Variants in CDH11 observed in about 807,000 individuals in gnomAD.
CDH11 encodes the protein cadherin-11.
CDH11 carries 11 observed loss-of-function variants against 67.8 expected under a neutral mutation model. That is an observed-to-expected ratio of 0.16 (90% confidence interval 0.10 to 0.27). CDH11 has a LOEUF of 0.27. CDH11 is among the 10% of genes least tolerant of loss of function. The pLI is 1.00. For synonymous variants in CDH11, 419 were observed against 400.0 expected (o/e 1.05, Z -0.57); for missense variants, 847 against 1,031.2 (o/e 0.82, Z 2.45).
intron 1 of CDH11, among the ~76,000 whole-genome samples, chr16:65,054,468 C>T (rs775331824): frequency 6.6e-6 from 1 of 152,136 alleles, no homozygotes; most frequent in East Asian, 1.9e-4. Flanking sequence ...GACAGTGTTG[C>T]AGCTCTTCAA....
intron 1 of CDH11, among the ~76,000 whole-genome samples, chr16:65,091,753 G>A (rs981887013): frequency 6.6e-6 from 1 of 151,886 alleles, no homozygotes; most frequent in African/African-American, 2.4e-5. Context: ...GCGTTTCACC[G>A]TGTTAACCAG....
intron 1 of CDH11, among the ~76,000 whole-genome samples, chr16:65,057,754 T>A (rs6498971): frequency 6.6e-6 from 1 of 152,120 alleles, no homozygotes; most frequent in African/African-American, 2.4e-5. Flanking sequence ...TTTTACAGAT[T>A]GAGAAACTGA....
At chr16:65,030,800 T>C (rs1274990258) in intron 2 of CDH11, among the ~76,000 whole-genome samples, 1 of 152,170 alleles carries the variant, frequency 6.6e-6, no homozygotes, top group Non-Finnish European at 1.5e-5. Flanking sequence ...TGAGCTCAGA[T>C]GATCTGCCTG....
chr16:64,964,953 T>C (rs1448718338), intron 11 of CDH11, among the ~76,000 whole-genome samples: 1 of 152,148 alleles, frequency 6.6e-6, no homozygotes, highest in African/African-American at 2.4e-5. Context: ...ACGTGCAGGT[T>C]TGTTACATAT....
chr16:64,958,820 A>C (rs1429076261), intron 11 of CDH11, among the ~76,000 whole-genome samples: 1 of 152,188 alleles, frequency 6.6e-6, no homozygotes, highest in Non-Finnish European at 1.5e-5. Flanking sequence ...ATAAAAGAAC[A>C]GTTCTTAGAA....
intron 2 of CDH11, 77 bp downstream of exon 2, chr16:65,053,727 A>G (rs2074096697): frequency 9.1e-6 from 4 of 440,384 alleles, no homozygotes; most frequent in Admixed American, 2.4e-5. Context: ...CATTTGAGAC[A>G]CAGACCCAGT....
chr16:65,065,962 T>C (rs1022234545), intron 1 of CDH11, among the ~76,000 whole-genome samples: 18 of 152,172 alleles, frequency 1.2e-4, no homozygotes, highest in African/African-American at 4.1e-4. Flanking sequence ...ATGGAGAGGG[T>C]GAGTTACTGA....
chr16:65,033,288 A>C (rs1166543443), intron 2 of CDH11, among the ~76,000 whole-genome samples: 1 of 151,488 alleles, frequency 6.6e-6, no homozygotes, highest in East Asian at 1.9e-4. Flanking sequence ...ATTTTGAGAA[A>C]TCACAAGCCA....
intron 2 of CDH11, among the ~76,000 whole-genome samples, chr16:65,012,590 A>T (rs1222409401): frequency 6.6e-6 from 1 of 152,192 alleles, no homozygotes; most frequent in African/African-American, 2.4e-5. Flanking sequence ...GAGTCATTTA[A>T]ATAGCAGAAC....
chr16:65,108,180 C>T (rs981064261), intron 1 of CDH11, among the ~76,000 whole-genome samples: 7 of 152,128 alleles, frequency 4.6e-5, no homozygotes, highest in African/African-American at 1.7e-4. Context: ...GCAGCTACAA[C>T]GATGCCTCAG....
At chr16:64,999,863 T>C (rs7197888) in intron 3 of CDH11, among the ~76,000 whole-genome samples, 1,973 of 152,262 alleles carry the variant, frequency 0.013, 45 homozygotes, top group African/African-American at 0.045. Flanking sequence ...TTGTTCGTTT[T>C]AGCAGTCCTT....
At chr16:64,988,134 T>G in intron 7 of CDH11, 23 bp downstream of exon 7, 1 of 1,583,690 alleles carries the variant, frequency 6.3e-7, no homozygotes, top group Non-Finnish European at 8.6e-7. Context: ...CACTGACACG[T>G]CTGATTCCTT....
chr16:65,005,168 C>T lies in CDH11; in HGVS notation c.-172-127G>A, dbSNP rs1421012929. ...GAGCTACGGGCTTTGGGGAAGCTCA[C>T]TGACTGCTTTGAGCTCAGCTTGCTC... On this transcript the variant is annotated intron_variant, in intron 2 of 12. Transcript: ENST00000268603. 6 of 812,242 alleles carry T rather than the reference C, an allele frequency of 7.4e-6. No individual in the cohort carries two copies. The Admixed American group carries it at 2.0e-4, about 27-fold the overall frequency. 50.3% of individuals were successfully genotyped at this position (812,242 alleles called of 1,614,324 possible). A position where few individuals can be genotyped will look rare whatever the true frequency, so the allele number is the denominator to read the frequency against.
chr16:65,057,551 G>T (rs1225726189), intron 1 of CDH11, among the ~76,000 whole-genome samples: 1 of 152,182 alleles, frequency 6.6e-6, no homozygotes, highest in Non-Finnish European at 1.5e-5. Flanking sequence ...CAAAATCAAG[G>T]AAGACAGTCA....
chr16:65,068,793 T>C (rs2074365074), intron 1 of CDH11, among the ~76,000 whole-genome samples: 1 of 152,158 alleles, frequency 6.6e-6, no homozygotes, highest in African/African-American at 2.4e-5. Flanking sequence ...TCTTGTTTTG[T>C]CTCTCAGTTA....
chr16:65,059,847 A>G (rs1215242905), intron 1 of CDH11, among the ~76,000 whole-genome samples: 1 of 152,236 alleles, frequency 6.6e-6, no homozygotes, highest in East Asian at 1.9e-4. Flanking sequence ...GAACTAAATA[A>G]ATATTCACGG....
chr16:64,971,887 C>T, intron 10 of CDH11, 44 bp downstream of exon 10: 17 of 1,607,248 alleles, frequency 1.1e-5, no homozygotes, highest in Non-Finnish European at 1.4e-5. Context: ...CACTCTATTT[C>T]CAAGTGCATT....
At chr16:65,041,742 G>A (rs182280903) in intron 2 of CDH11, among the ~76,000 whole-genome samples, 18 of 152,318 alleles carry the variant, frequency 1.2e-4, no homozygotes, top group African/African-American at 3.8e-4. Context: ...TTTGGGTACT[G>A]AACTACATGT....
chr16:64,970,398 G>C (rs1008449496), intron 11 of CDH11, among the ~76,000 whole-genome samples: 1 of 152,180 alleles, frequency 6.6e-6, no homozygotes, highest in Non-Finnish European at 1.5e-5. Context: ...TCTGGCCTCT[G>C]AGAGCCTGGG....
Sources: gnomAD v4.1 joint callset for allele counts (sites outside exome capture counted in the v4.1 genomes callset) on GRCh38, gnomAD v4.1.1 for gene constraint, MANE v1.5 for transcripts, NCBI Gene and HGNC (gene_info 2026-07-23, HGNC 2026-07-21) for gene names.